Variants in SYNPR observed in about 807,000 individuals in gnomAD.
The protein encoded by SYNPR is synaptoporin.
In SYNPR, 23 loss-of-function variants were observed where a neutral mutation model predicts 32.9. That is an observed-to-expected ratio of 0.70 (90% CI 0.50 to 0.99). The LOEUF (loss-of-function observed/expected upper bound fraction) is 0.99, where lower values mean the gene tolerates loss of function less well. SYNPR is among the 50% of genes least tolerant of loss of function. The pLI is 0.00. For missense variants in SYNPR, 318 were observed against 349.3 expected (o/e 0.91, Z 0.71); for synonymous variants, 146 against 135.9 (o/e 1.07, Z -0.52).
intron 3 of SYNPR, among the ~76,000 whole-genome samples, chr3:63,534,806 C>T (rs2106794196): frequency 6.6e-6 from 1 of 152,264 alleles, no homozygotes; most frequent in East Asian, 1.9e-4. Context: ...GAAGGTCAGG[C>T]TCTTTTTAAC....
At position 63,452,219 on chromosome 3, in the gene SYNPR, T is replaced by C. The variant is rs368762056; in HGVS notation, c.85-28613T>C. The C allele has an allele frequency of 1.2e-4, 73 of 592,562 alleles. 1 individual carries two copies. In the Middle Eastern group the frequency reaches 2.5e-3, roughly 21 times the overall value. The allele number at this position is 592,562 out of a possible 1,614,324, so 36.7% of individuals were successfully genotyped here. A position where few individuals can be genotyped will look rare whatever the true frequency, so the allele number is the denominator to read the frequency against. On this transcript the variant is annotated intron_variant, in intron 2 of 5. Coordinates refer to ENST00000478300, the MANE Select transcript of SYNPR (RefSeq NM_001130003.2). ...CAGCCACTGGGTGCCGGGTTAAGAT[T>C]TGGGATACGGAGGTAACTAAAACAA...
At chr3:63,445,168 A>T (rs756275300) in intron 2 of SYNPR, among the ~76,000 whole-genome samples, 4 of 152,158 alleles carry the variant, frequency 2.6e-5, no homozygotes, top group Non-Finnish European at 4.4e-5. Flanking sequence ...CATTTGCTAT[A>T]GACAGAGCTT....
intron 2 of SYNPR, among the ~76,000 whole-genome samples, chr3:63,258,710 A>G (rs943301973): frequency 1.4e-4 from 22 of 152,142 alleles, no homozygotes; most frequent in African/African-American, 5.3e-4. Context: ...AAGGCAAGAA[A>G]TAACTAAGAT....
At chr3:63,501,463 A>T (rs80172814) in intron 3 of SYNPR, among the ~76,000 whole-genome samples, 104 of 147,978 alleles carry the variant, frequency 7.0e-4, no homozygotes, top group African/African-American at 2.5e-3. Flanking sequence ...TAGGTGACAA[A>T]GAGCTACTCT....
At chr3:63,309,398 G>A (rs2086940221) in intron 2 of SYNPR, among the ~76,000 whole-genome samples, 1 of 151,998 alleles carries the variant, frequency 6.6e-6, no homozygotes, top group Non-Finnish European at 1.5e-5. Flanking sequence ...TTGATTGGAT[G>A]CCAGATACTT....
chr3:63,256,785 A>G (rs1399640074), intron 2 of SYNPR, among the ~76,000 whole-genome samples: 1 of 152,114 alleles, frequency 6.6e-6, no homozygotes, highest in Admixed American at 6.5e-5. Flanking sequence ...TAAAGGAAGA[A>G]GTTCGAACCC....
chr3:63,218,343 A>G, the SYNPR span, among the ~76,000 whole-genome samples: 2 of 152,192 alleles, frequency 1.3e-5, no homozygotes, highest in African/African-American at 2.4e-5. Flanking sequence ...TATTTCTCCA[A>G]TAGAGGGATG....
chr3:63,477,690 T>C (rs1007839937), intron 2 of SYNPR, among the ~76,000 whole-genome samples: 2 of 152,152 alleles, frequency 1.3e-5, no homozygotes, highest in Non-Finnish European at 2.9e-5. Flanking sequence ...CTTAACTCTA[T>C]TTCTGGGCAC....
intron 2 of SYNPR, among the ~76,000 whole-genome samples, chr3:63,343,462 G>C (rs943075079): frequency 6.6e-6 from 1 of 152,206 alleles, no homozygotes; most frequent in Non-Finnish European, 1.5e-5. Flanking sequence ...CACTGGTGGA[G>C]AGAAGGAGGC....
At chr3:63,382,829 T>G (rs993302779) in intron 2 of SYNPR, among the ~76,000 whole-genome samples, 5 of 152,214 alleles carry the variant, frequency 3.3e-5, no homozygotes, top group African/African-American at 1.2e-4. Context: ...TCCCACCTCT[T>G]GCCTTTTTCT....
chr3:63,565,198 C>T (rs1366802064), intron 4 of SYNPR, among the ~76,000 whole-genome samples: 2 of 152,180 alleles, frequency 1.3e-5, no homozygotes, highest in Non-Finnish European at 2.9e-5. Flanking sequence ...GTTTTCAACT[C>T]CTGTCCTATG....
chr3:63,291,799 T>C lies in SYNPR; in HGVS notation c.84+13057T>C, dbSNP rs140620116. 2.0e-4 allele frequency among the ~76,000 whole-genome samples: 30 copies of C among 152,122 alleles called. No individual in the cohort carries two copies. The East Asian group carries it at 5.8e-3, about 29-fold the overall frequency. On this transcript the variant is annotated intron_variant, in intron 2 of 5. Transcript: ENST00000478300. Reference sequence around the variant, plus strand: ...TGTTTACCAGCAACAGTACGTAAATTTGAAGTATAAATATTGTAGTTTCTT... The same window carrying C: ...TGTTTACCAGCAACAGTACGTAAATCTGAAGTATAAATATTGTAGTTTCTT...
intron 4 of SYNPR, among the ~76,000 whole-genome samples, chr3:63,575,194 C>G (rs1052145394): frequency 6.6e-6 from 1 of 152,090 alleles, no homozygotes. Context: ...GTTGACATTG[C>G]GTGTTACACA....
chr3:63,280,565 C>T (rs964762624), intron 2 of SYNPR, among the ~76,000 whole-genome samples: 1 of 152,078 alleles, frequency 6.6e-6, no homozygotes, highest in African/African-American at 2.4e-5. Context: ...GTTACCTCCT[C>T]AATGAAGACT....
At chr3:63,552,044 C>A (rs1702512046) in intron 3 of SYNPR, among the ~76,000 whole-genome samples, 1 of 151,828 alleles carries the variant, frequency 6.6e-6, no homozygotes, top group Admixed American at 6.6e-5. Flanking sequence ...ATTACAGGTG[C>A]CCGCCACCAT....
chr3:63,288,489 T>A (rs1316352090), intron 2 of SYNPR, among the ~76,000 whole-genome samples: 1 of 152,228 alleles, frequency 6.6e-6, no homozygotes, highest in Non-Finnish European at 1.5e-5. Flanking sequence ...GCTGAGTGGA[T>A]TCACACTGAT....
chr3:63,394,643 C>T (rs2088188822), intron 2 of SYNPR, among the ~76,000 whole-genome samples: 1 of 152,178 alleles, frequency 6.6e-6, no homozygotes, highest in Non-Finnish European at 1.5e-5. Flanking sequence ...AAAAATGCTC[C>T]CCAGATATCC....
intron 3 of SYNPR, among the ~76,000 whole-genome samples, chr3:63,515,319 A>G (rs1412406927): frequency 6.6e-6 from 1 of 152,022 alleles, no homozygotes; most frequent in Non-Finnish European, 1.5e-5. Flanking sequence ...CATGCTTCTC[A>G]GATTAAATCT....
At chr3:63,549,942 A>G (rs1702472984) in intron 3 of SYNPR, 1 of 152,128 alleles carries the variant, frequency 6.6e-6, no homozygotes, top group Admixed American at 6.5e-5. Context: ...CAGGAAGAGA[A>G]TTTTACATTT....
Sources: gnomAD v4.1 joint callset for allele counts (sites outside exome capture counted in the v4.1 genomes callset) on GRCh38, gnomAD v4.1.1 for gene constraint, MANE v1.5 for transcripts, NCBI Gene and HGNC (gene_info 2026-07-23, HGNC 2026-07-21) for gene names.